IGSF11: variants seen among roughly 807,000 people sequenced by gnomAD.
IGSF11 encodes CXADR like 1.
A neutral mutation model predicts 41.0 loss-of-function variants in IGSF11; 22 were observed. The observed-to-expected ratio is 0.54, with a 90% CI of 0.38 to 0.77. The LOEUF is 0.77. Among genes scored for constraint, IGSF11 ranks in the 30% least tolerant of loss-of-function variants. The pLI, the probability that IGSF11 is intolerant of heterozygous loss-of-function variation, is 0.00. For missense variants in IGSF11, 444 were observed against 530.8 expected (o/e 0.84, Z 1.61); for synonymous variants, 219 against 201.3 (o/e 1.09, Z -0.74).
chr3:118,925,527 TG>T (rs1191717532), intron 4 of IGSF11, among the ~76,000 whole-genome samples: 4 of 152,202 alleles, frequency 2.6e-5, no homozygotes, highest in Non-Finnish European at 4.4e-5. Flanking sequence ...TTTTTAAGGA[TG>T]TCCTATTTAA....
At chr3:119,046,919 T>C (rs1281304831) in intron 1 of IGSF11, among the ~76,000 whole-genome samples, 4 of 145,938 alleles carry the variant, frequency 2.7e-5, no homozygotes, top group African/African-American at 1.0e-4. Flanking sequence ...GAAGGAGAAA[T>C]AAAATACTTT....
At chr3:118,972,802 C>G (rs188836357) in intron 1 of IGSF11, among the ~76,000 whole-genome samples, 26 of 152,240 alleles carry the variant, frequency 1.7e-4, no homozygotes, top group African/African-American at 6.0e-4. Context: ...TAAGTAGCCC[C>G]TGAAGAACTA....
intron 1 of IGSF11, among the ~76,000 whole-genome samples, chr3:119,000,355 A>G (rs1281135252): frequency 2.0e-5 from 3 of 150,630 alleles, no homozygotes; most frequent in African/African-American, 7.4e-5. Flanking sequence ...AACTCCAGTC[A>G]TATTTCCAAC....
At chr3:119,072,697 G>A (rs987104293) in intron 1 of IGSF11, among the ~76,000 whole-genome samples, 3 of 152,212 alleles carry the variant, frequency 2.0e-5, no homozygotes, top group South Asian at 4.1e-4. Context: ...CAGGAATGAG[G>A]CTGCAGACCT....
At chr3:119,046,885 C>T (rs1016224079) in intron 1 of IGSF11, among the ~76,000 whole-genome samples, 63 of 146,938 alleles carry the variant, frequency 4.3e-4, no homozygotes, top group Middle Eastern at 3.4e-3. Flanking sequence ...AATTTCATAT[C>T]CAGCCAAACT....
At chr3:118,934,460 A>C (rs1943091205) in intron 1 of IGSF11, among the ~76,000 whole-genome samples, 1 of 152,116 alleles carries the variant, frequency 6.6e-6, no homozygotes, top group African/African-American at 2.4e-5. Flanking sequence ...GGTATTTCTG[A>C]AAGTACTGCC....
At chr3:119,045,476 C>T (rs913530785) in intron 1 of IGSF11, among the ~76,000 whole-genome samples, 1 of 152,220 alleles carries the variant, frequency 6.6e-6, no homozygotes, top group East Asian at 1.9e-4. Flanking sequence ...ATATCCCGCA[C>T]ATGGCTCGGA....
chr3:119,034,864 G>A (rs949440149), upstream of IGSF11: 18 of 1,205,780 alleles, frequency 1.5e-5, no homozygotes, highest in Non-Finnish European at 1.8e-5. Flanking sequence ...CCCTCGCGCA[G>A]TCCGGGGAGC....
chr3:119,020,384 C>G (rs1021403892), intron 1 of IGSF11, among the ~76,000 whole-genome samples: 1 of 152,208 alleles, frequency 6.6e-6, no homozygotes, highest in Admixed American at 6.5e-5. Context: ...TCATGCACAG[C>G]TGCACAGCAT....
Position 118,901,910 on chromosome 3 carries a change from A to G in IGSF11, c.*610T>C, listed in dbSNP as rs1938912216. 6.6e-6 allele frequency: 1 copy of G among 152,228 alleles called. No homozygotes were observed. Among genetic ancestry groups the G allele is most frequent in the Non-Finnish European group, 1.5e-5 (1 of 68,064 alleles). The allele number at this position is 152,228 out of a possible 1,614,324, so 9.4% of individuals were successfully genotyped here. On this transcript the variant is annotated 3_prime_UTR_variant, in exon 7 of 7. Transcript: ENST00000393775. ...AAATTCATGGTTCAGGAAGAGATAA[A>G]TAAATAAATATGAAGGGGCTTCTCA... is the stretch of plus-strand genomic sequence containing the variant.
In IGSF11 at chr3:119,142,136, A is replaced by C. The variant is rs9827064; in HGVS notation, c.-14+3677T>G. ...TAAAAATACAAAAAATTAGCTGGGC[A>C]TGGTGGCGGGCACCTGTAGTCCCAG... On this transcript the variant is annotated intron_variant, in intron 1 of 7. Coordinates refer to the IGSF11 transcript ENST00000425327. Among the ~76,000 whole-genome samples the C allele has an allele frequency of 5.3e-5, 8 of 151,934 alleles. No homozygotes were observed. In the South Asian group the frequency reaches 8.3e-4, roughly 16 times the overall value.
intron 4 of IGSF11, among the ~76,000 whole-genome samples, chr3:118,922,342 A>G (rs1482716259): frequency 6.6e-6 from 1 of 152,122 alleles, no homozygotes. Context: ...TTTGATATAC[A>G]TATATACTGT....
At chr3:119,107,407 A>G (rs367591856), upstream of IGSF11, among the ~76,000 whole-genome samples, 1 of 152,120 alleles carries the variant, frequency 6.6e-6, no homozygotes, top group Non-Finnish European at 1.5e-5. Context: ...GTCTGTTCAT[A>G]TCCTTCACCC....
At chr3:119,078,818 C>T (rs529082944) in intron 1 of IGSF11, among the ~76,000 whole-genome samples, 4 of 152,208 alleles carry the variant, frequency 2.6e-5, no homozygotes, top group African/African-American at 9.6e-5. Context: ...AACTATGCAT[C>T]CTACAATGGT....
At chr3:118,990,821 C>T (rs1935724257) in intron 1 of IGSF11, among the ~76,000 whole-genome samples, 2 of 152,064 alleles carry the variant, frequency 1.3e-5, no homozygotes, top group South Asian at 2.1e-4. Flanking sequence ...TTTTTTCAAC[C>T]CAGAGAAATC....
intron 1 of IGSF11, among the ~76,000 whole-genome samples, chr3:119,003,196 G>C (rs1286059716): frequency 6.9e-6 from 1 of 145,464 alleles, no homozygotes; most frequent in Non-Finnish European, 1.5e-5. Flanking sequence ...CACATCCCTT[G>C]TAAGTTGGAT....
intron 2 of IGSF11, 138 bp from the exon 3 acceptor site, chr3:118,928,854 C>T (rs1446569806): frequency 9.6e-6 from 6 of 626,918 alleles, no homozygotes; most frequent in Non-Finnish European, 1.7e-5. Context: ...TTATCATCAA[C>T]TTTTTTTTTA....
At chr3:118,982,935 T>C (rs1405032541) in intron 1 of IGSF11, among the ~76,000 whole-genome samples, 1 of 152,184 alleles carries the variant, frequency 6.6e-6, no homozygotes, top group Non-Finnish European at 1.5e-5. Context: ...CAGTCTAGTA[T>C]CACCTTGTGA....
At chr3:119,049,074 T>C (rs1341662506) in intron 1 of IGSF11, among the ~76,000 whole-genome samples, 1 of 151,620 alleles carries the variant, frequency 6.6e-6, no homozygotes, top group East Asian at 1.9e-4. Flanking sequence ...AGCATTCCCT[T>C]TGAAAACTGG....
Sources: gnomAD v4.1 joint callset for allele counts (sites outside exome capture counted in the v4.1 genomes callset) on GRCh38, gnomAD v4.1.1 for gene constraint, MANE v1.5 for transcripts, NCBI Gene and HGNC (gene_info 2026-07-23, HGNC 2026-07-21) for gene names.